TEKTL1: variants seen among roughly 807,000 people sequenced by gnomAD.
TEKTL1 encodes tektin-like protein 1.
At chr19:15,014,738 C>A in the TEKTL1 span, among the ~76,000 whole-genome samples, 3 of 29,812 alleles carry the variant, frequency 1.0e-4, no homozygotes, top group South Asian at 9.9e-4. Context: ...GGGCGGGGGG[C>A]GGGGGCTGCT....
the TEKTL1 span, among the ~76,000 whole-genome samples, chr19:15,017,518 G>A: frequency 6.6e-6 from 1 of 152,086 alleles, no homozygotes; most frequent in Non-Finnish European, 1.5e-5. Flanking sequence ...CTGGTGGGAG[G>A]GGGGAACTCA....
the TEKTL1 span, chr19:15,010,858 C>A: frequency 3.2e-6 from 5 of 1,551,160 alleles, no homozygotes; most frequent in Non-Finnish European, 4.3e-6. Context: ...CTGAGCGCAG[C>A]CAGGACACAC....
chr19:15,011,174 G>T, the TEKTL1 span: 2 of 1,497,140 alleles, frequency 1.3e-6, no homozygotes, highest in East Asian at 5.0e-5. Context: ...GCACCGCAAA[G>T]CGCGCGCCCT....
the TEKTL1 span, among the ~76,000 whole-genome samples, chr19:15,019,148 C>T: frequency 6.6e-6 from 1 of 152,022 alleles, no homozygotes; most frequent in African/African-American, 2.4e-5. Flanking sequence ...GGAGTTTCAC[C>T]ATGTGGCCCA....
At chr19:15,023,115 C>T in the TEKTL1 span, 2 of 1,592,760 alleles carry the variant, frequency 1.3e-6, no homozygotes, top group Non-Finnish European at 1.7e-6. Flanking sequence ...AGCGCGGACC[C>T]CTAGTGACCC....
chr19:15,022,051 T>C, the TEKTL1 span: 4 of 725,198 alleles, frequency 5.5e-6, no homozygotes, highest in South Asian at 7.2e-5. Flanking sequence ...TGCCACGAAG[T>C]GGGGAGGCGG....
At chr19:15,023,223 C>A in the TEKTL1 span, 1 of 953,666 alleles carries the variant, frequency 1.0e-6, no homozygotes, top group East Asian at 2.6e-5. Flanking sequence ...CGCACCCTCC[C>A]TCCAAGCACC....
At chr19:15,013,858 A>G in the TEKTL1 span, 1 of 802,742 alleles carries the variant, frequency 1.2e-6, no homozygotes, top group Non-Finnish European at 2.1e-6. Context: ...TGACCTGGGG[A>G]CTGTCACAAT....
At chr19:15,021,600 G>A in the TEKTL1 span, 3 of 1,613,398 alleles carry the variant, frequency 1.9e-6, no homozygotes, top group Middle Eastern at 1.6e-4. Flanking sequence ...ATCCCCCTGC[G>A]CTTCCCTGCC....
the TEKTL1 span, among the ~76,000 whole-genome samples, chr19:15,017,718 C>T: frequency 1.3e-5 from 2 of 152,042 alleles, no homozygotes; most frequent in Non-Finnish European, 2.9e-5. Flanking sequence ...TCTCAGGGTG[C>T]CAGAACAGAG....
At chr19:15,011,007 A>T in the TEKTL1 span, 7 of 1,585,752 alleles carry the variant, frequency 4.4e-6, no homozygotes, top group Admixed American at 8.8e-5. Flanking sequence ...GTGGCCCACC[A>T]CCTCGGCCGC....
chr19:15,022,108 G>A, the TEKTL1 span, among the ~76,000 whole-genome samples: 3 of 152,076 alleles, frequency 2.0e-5, no homozygotes, highest in Admixed American at 6.5e-5. Context: ...GCTTCAGTGG[G>A]TACTGGCTCA....
chr19:15,015,721 G>C, the TEKTL1 span, among the ~76,000 whole-genome samples: 1 of 152,100 alleles, frequency 6.6e-6, no homozygotes, highest in Non-Finnish European at 1.5e-5. Flanking sequence ...AAGGAAGGAG[G>C]GAAGGAACAG....
chr19:15,010,864 C>G, the TEKTL1 span: 1 of 1,554,154 alleles, frequency 6.4e-7, no homozygotes, highest in Non-Finnish European at 8.7e-7. Context: ...GCAGCCAGGA[C>G]ACACGCGTTG....
chr19:15,021,751 G>A, the TEKTL1 span: 1 of 1,611,846 alleles, frequency 6.2e-7, no homozygotes, highest in Admixed American at 1.7e-5. Flanking sequence ...TGGAGGCAGG[G>A]GTGCCGGTGG....
At chr19:15,018,748 C>T in the TEKTL1 span, among the ~76,000 whole-genome samples, 1 of 73,102 alleles carries the variant, frequency 1.4e-5, no homozygotes, top group East Asian at 5.5e-4. Flanking sequence ...CCTGGATTAC[C>T]TGACATCCAA....
At chr19:15,011,194 C>A in the TEKTL1 span, 4 of 1,481,606 alleles carry the variant, frequency 2.7e-6, no homozygotes, top group South Asian at 2.7e-5. Flanking sequence ...TGCAGACCAC[C>A]GAGGTGGTGC....
At chr19:15,010,964 T>C in the TEKTL1 span, 11 of 1,593,556 alleles carry the variant, frequency 6.9e-6, no homozygotes, top group South Asian at 1.1e-5. Flanking sequence ...GGTGACCATG[T>C]GGCAGCCCAA....
chr19:15,022,575 C>T, the TEKTL1 span, among the ~76,000 whole-genome samples: 10 of 152,072 alleles, frequency 6.6e-5, no homozygotes, highest in East Asian at 1.4e-3. Flanking sequence ...GTGATCCGCC[C>T]GCCTCGGCCT....
Sources: allele counts gnomAD v4.1 joint callset (sites outside exome capture counted in the v4.1 genomes callset), GRCh38; gene constraint gnomAD v4.1.1; transcripts MANE v1.5; gene names NCBI Gene and HGNC (gene_info 2026-07-23, HGNC 2026-07-21).